MID1: variants seen among roughly 807,000 people sequenced by gnomAD.
The protein encoded by MID1 is midline 1, also known as E3 ubiquitin-protein ligase Midline-1.
A neutral mutation model predicts 40.4 loss-of-function variants in MID1; 7 were observed. The observed-to-expected ratio is 0.17, with a 90% CI of 0.10 to 0.33. MID1 has a LOEUF of 0.33. Ranked by LOEUF, MID1 falls within the 10% of genes least tolerant of loss-of-function variation. The pLI is 1.00. For synonymous variants in MID1, 229 were observed against 221.2 expected (o/e 1.04, Z -0.31); for missense variants, 367 against 558.5 (o/e 0.66, Z 3.46).
chrX:10,820,203 T>C (rs772849353), intron 1 of MID1, among the ~76,000 whole-genome samples: 1 of 112,392 alleles, frequency 8.9e-6, no homozygotes, highest in East Asian at 2.8e-4. Context: ...AAATGGATTG[T>C]TCAGCAGCTT....
chrX:10,599,058 G>C (rs1338342687), intron 1 of MID1, among the ~76,000 whole-genome samples: 1 of 111,912 alleles, frequency 8.9e-6, no homozygotes, highest in Non-Finnish European at 1.9e-5. Context: ...TTCAAATACA[G>C]TATCCAATCC....
chrX:10,469,569 G>A, intron 7 of MID1, 128 bp downstream of exon 7: 1 of 1,206,361 alleles, frequency 8.3e-7, no homozygotes, highest in Non-Finnish European at 1.1e-6. Context: ...TTTTGTTCAA[G>A]AAAGACAAGT....
chrX:10,778,001 C>T (rs1420392232), intron 1 of MID1, among the ~76,000 whole-genome samples: 1 of 111,091 alleles, frequency 9.0e-6, no homozygotes, highest in Non-Finnish European at 1.9e-5. Context: ...CGAAATACCT[C>T]CTGAAGGACC....
intron 1 of MID1, among the ~76,000 whole-genome samples, chrX:10,762,636 T>C (rs894008029): frequency 9.9e-5 from 11 of 111,065 alleles, no homozygotes; most frequent in African/African-American, 3.6e-4. Context: ...GGTTTTGCCA[T>C]GTTGCCCAGG....
rs1403423909 is a variant in MID1 at position 10,730,720 on chromosome X, C to T, written c.-187+102834G>A. Among the ~76,000 whole-genome samples the T allele has an allele frequency of 7.3e-5, 8 of 109,348 alleles. No homozygotes were observed. The East Asian group carries it at 1.7e-3, about 23-fold the overall frequency. The allele number at this position is 109,348 out of a possible 115,157, so 95.0% of individuals were successfully genotyped here. A position where few individuals can be genotyped will look rare whatever the true frequency, so the allele number is the denominator to read the frequency against. On this transcript the variant is annotated intron_variant, in intron 1 of 10. Transcript: ENST00000380785. The stretch of plus-strand genomic sequence containing the variant: ...CCGAGTAGCTGGGACTACAGGCGCC[C>T]GCCACCACGCCCGGCTAATTTTTTG...
chrX:10,448,155 A>G lies in MID1; in HGVS notation c.*1213T>C, dbSNP rs1928119792. 2 of 107,089 alleles carry G rather than the reference A, an allele frequency of 1.9e-5. No individual in the cohort carries two copies. Among genetic ancestry groups the G allele is most frequent in the Admixed American group, 2.0e-4 (2 of 9,936 alleles). The allele number at this position is 107,089 out of a possible 1,213,427, so 8.8% of individuals were successfully genotyped here. On this transcript the variant is annotated 3_prime_UTR_variant, in exon 10 of 10. Coordinates refer to ENST00000317552, the MANE Select transcript of MID1 (RefSeq NM_000381.4). Reference sequence around the variant, plus strand: ...TTACAACTCTATTGTAAACTATACTAGACTATAGAGGGACTTCTACATCTT... The same window carrying G: ...TTACAACTCTATTGTAAACTATACTGGACTATAGAGGGACTTCTACATCTT...
chrX:10,815,249 A>G (rs1001463525), intron 1 of MID1, among the ~76,000 whole-genome samples: 2 of 111,386 alleles, frequency 1.8e-5, no homozygotes, highest in East Asian at 5.7e-4. Context: ...AGACATAGCA[A>G]CTCTACACTA....
chrX:10,797,002 A>T (rs2043971986), intron 1 of MID1, among the ~76,000 whole-genome samples: 1 of 111,178 alleles, frequency 9.0e-6, no homozygotes. Context: ...AATGATTTGA[A>T]AACTTCTTGA....
At chrX:10,772,637 A>T (rs1480748740) in intron 1 of MID1, among the ~76,000 whole-genome samples, 1 of 111,278 alleles carries the variant, frequency 9.0e-6, no homozygotes, top group Non-Finnish European at 1.9e-5. Context: ...AATAAGTACA[A>T]GTAAAATTTT....
chrX:10,686,031 A>T (rs764279394), intron 1 of MID1, among the ~76,000 whole-genome samples: 55 of 111,654 alleles, frequency 4.9e-4, no homozygotes, highest in Middle Eastern at 4.6e-3. Flanking sequence ...GTTTGTGTTT[A>T]ACAAGGATGT....
intron 1 of MID1, among the ~76,000 whole-genome samples, chrX:10,572,656 AACTT>A: frequency 8.9e-6 from 1 of 111,741 alleles, no homozygotes; most frequent in Non-Finnish European, 1.9e-5. Flanking sequence ...AAAAAAAAAA[AACTT>A]CTTCATTTCT....
chrX:10,567,679 C>A, intron 1 of MID1, 76 bp from the exon 2 acceptor site: 1 of 639,431 alleles, frequency 1.6e-6, no homozygotes, highest in Non-Finnish European at 2.5e-6. Context: ...GAATGCATCT[C>A]AGAATAATTC....
At chrX:10,517,390 CT>C (rs1474966046) in intron 3 of MID1, among the ~76,000 whole-genome samples, 2 of 112,096 alleles carry the variant, frequency 1.8e-5, no homozygotes, top group Non-Finnish European at 3.8e-5. Context: ...ACTCCATGGC[CT>C]TTTTGGAGTT....
At chrX:10,665,530 T>TC (rs1408821253) in intron 1 of MID1, among the ~76,000 whole-genome samples, 23 of 98,028 alleles carry the variant, frequency 2.3e-4, no homozygotes, top group African/African-American at 8.5e-4. Context: ...AATAGCCACT[T>TC]TTTTTTTTTT....
At chrX:10,803,079 G>T (rs2044020241) in intron 1 of MID1, among the ~76,000 whole-genome samples, 1 of 110,333 alleles carries the variant, frequency 9.1e-6, no homozygotes, top group African/African-American at 3.3e-5. Flanking sequence ...TGGATACTAT[G>T]CTCACTATCT....
intron 1 of MID1, among the ~76,000 whole-genome samples, chrX:10,697,557 TA>T (rs754245978): frequency 3.6e-5 from 4 of 111,266 alleles, no homozygotes; most frequent in Non-Finnish European, 5.7e-5. Context: ...TGAGGCTAAT[TA>T]AAAAAAAGCT....
Position 10,628,158 on chromosome X carries a change from G to GT in MID1, c.-186-7740dup, listed in dbSNP as rs1241849195. Among the ~76,000 whole-genome samples, 144 of 106,518 alleles carry GT rather than the reference G, an allele frequency of 1.4e-3. 1 individual carries two copies. Among genetic ancestry groups the GT allele is most frequent in the African/African-American group, 3.9e-3 (115 of 29,418 alleles). The allele number at this position is 106,518 out of a possible 115,157, so 92.5% of individuals were successfully genotyped here. A position where few individuals can be genotyped will look rare whatever the true frequency, so the allele number is the denominator to read the frequency against. ...CTTATAACTAGGTAACTTGTCATAA[G>GT]TTTTTTTTTTCTGTTGAGAACCACT... On this transcript the variant is annotated intron_variant, in intron 1 of 10. Transcript: ENST00000380785.
intron 1 of MID1, among the ~76,000 whole-genome samples, chrX:10,735,090 A>G (rs1436918357): frequency 1.8e-5 from 2 of 111,762 alleles, no homozygotes; most frequent in Non-Finnish European, 3.8e-5. Flanking sequence ...TCGATTAGAC[A>G]TAATAGGGAT....
rs1336586420 is a variant in MID1 at position 10,555,944 on chromosome X, T to C, written c.660+10944A>G. Among the ~76,000 whole-genome samples the C allele has an allele frequency of 3.6e-5, 4 of 110,509 alleles. No individual in the cohort carries two copies. The South Asian group carries it at 1.2e-3, about 32-fold the overall frequency. On this transcript the variant is annotated intron_variant, in intron 2 of 9. Coordinates refer to ENST00000317552, the MANE Select transcript of MID1 (RefSeq NM_000381.4). ...GGAGGAGTTGGAAGCTGCCTTCTTG[T>C]ACAGCTCCTTCACTTCAGCGCTTTC...
Sources: gnomAD v4.1 joint callset for allele counts (sites outside exome capture counted in the v4.1 genomes callset) on GRCh38, gnomAD v4.1.1 for gene constraint, MANE v1.5 for transcripts, NCBI Gene and HGNC (gene_info 2026-07-23, HGNC 2026-07-21) for gene names.